Variants in CAST observed in about 807,000 individuals in gnomAD.
The protein encoded by CAST is MIR583 host.
CAST carries 76 observed loss-of-function variants against 119.6 expected under a neutral mutation model. The observed-to-expected ratio is 0.64, with a 90% CI of 0.53 to 0.77. The LOEUF (loss-of-function observed/expected upper bound fraction) is 0.77. CAST is among the 30% of genes least tolerant of loss of function. The probability of loss-of-function intolerance (pLI) is 0.00; values close to 1 mark genes in which losing one functional copy is unlikely to be tolerated. For synonymous variants in CAST, 319 were observed against 331.6 expected (o/e 0.96, Z 0.41); for missense variants, 953 against 946.5 (o/e 1.01, Z -0.09).
At chr5:96,743,572 G>T in intron 16 of CAST, 1 of 1,586,456 alleles carries the variant, frequency 6.3e-7, no homozygotes. Context: ...CAGGGAAGGG[G>T]AGTCTCCCTG....
chr5:96,742,563 A>G, intron 15 of CAST, 92 bp from the exon 16 acceptor site: 2 of 833,614 alleles, frequency 2.4e-6, no homozygotes, highest in Non-Finnish European at 4.0e-6. Flanking sequence ...TATTCAGTTT[A>G]TAATCTAAAA....
the CAST span, among the ~76,000 whole-genome samples, chr5:96,498,116 G>A: frequency 4.6e-5 from 7 of 152,182 alleles, no homozygotes; most frequent in African/African-American, 7.2e-5. Context: ...TATTAAATAG[G>A]GAATCCTTTC....
chr5:96,091,504 C>CTTT, the CAST span, among the ~76,000 whole-genome samples: 22 of 98,540 alleles, frequency 2.2e-4, no homozygotes, highest in African/African-American at 3.3e-4. Context: ...CATGCCTGGC[C>CTTT]TTTTTTTTTT....
At chr5:95,961,880 G>A in the CAST span, 1 of 921,132 alleles carries the variant, frequency 1.1e-6, no homozygotes, top group Non-Finnish European at 1.5e-6. Context: ...GACTGCCACC[G>A]CCGCCACCCG....
At chr5:96,003,395 G>A in the CAST span, among the ~76,000 whole-genome samples, 246 of 151,674 alleles carry the variant, frequency 1.6e-3, 1 homozygote, top group African/African-American at 5.7e-3. Flanking sequence ...AAAATTAGCC[G>A]GGTGTGGTGG....
intron 2 of CAST, among the ~76,000 whole-genome samples, chr5:96,685,784 T>A (rs757726308): frequency 6.6e-6 from 1 of 152,196 alleles, no homozygotes; most frequent in Non-Finnish European, 1.5e-5. Flanking sequence ...AGAGACTGAT[T>A]TAGATCTAAG....
chr5:96,326,082 A>G, the CAST span, among the ~76,000 whole-genome samples: 1 of 152,228 alleles, frequency 6.6e-6, no homozygotes, highest in Admixed American at 6.5e-5. Context: ...GATATCATCC[A>G]CATGACTTTT....
the CAST span, among the ~76,000 whole-genome samples, chr5:95,984,230 G>A: frequency 3.3e-4 from 50 of 152,272 alleles, no homozygotes; most frequent in Admixed American, 2.1e-3. Flanking sequence ...GGCTGGAGGT[G>A]TTTTTCTTAG....
chr5:96,001,042 A>G, the CAST span, among the ~76,000 whole-genome samples: 6 of 152,176 alleles, frequency 3.9e-5, no homozygotes, highest in Non-Finnish European at 8.8e-5. Flanking sequence ...GACTACCACT[A>G]ATTAGCTTTG....
At chr5:96,042,517 A>G in the CAST span, among the ~76,000 whole-genome samples, 1 of 152,194 alleles carries the variant, frequency 6.6e-6, no homozygotes, top group African/African-American at 2.4e-5. Context: ...GAGCTCTTAA[A>G]TGGTTACATA....
the CAST span, among the ~76,000 whole-genome samples, chr5:96,107,593 G>A: frequency 5.3e-5 from 8 of 152,110 alleles, no homozygotes; most frequent in Non-Finnish European, 8.8e-5. Flanking sequence ...CGAGAGATCC[G>A]CTGTTAGTCT....
intron 4 of CAST, among the ~76,000 whole-genome samples, chr5:96,723,116 T>TTTCGTTTGTTTG (rs371010985): frequency 1.3e-4 from 19 of 151,892 alleles, no homozygotes; most frequent in African/African-American, 4.4e-4. Flanking sequence ...CTAATTGTTT[T>TTTCGTTTGTTTG]TTTGTTTGTT....
chr5:96,632,635 TA>T (rs1456388706), intron 1 of CAST, among the ~76,000 whole-genome samples: 44 of 126,210 alleles, frequency 3.5e-4, no homozygotes, highest in Admixed American at 1.2e-3. Context: ...AGTGCTAATT[TA>T]TTTTTTTGCA....
intron 16 of CAST, among the ~76,000 whole-genome samples, chr5:96,743,130 C>G (rs938707820): frequency 1.3e-5 from 2 of 152,104 alleles, no homozygotes; most frequent in Non-Finnish European, 2.9e-5. Context: ...TGTCTATACA[C>G]GGAGTGGGAA....
At chr5:96,461,387 C>T in the CAST span, among the ~76,000 whole-genome samples, 4 of 152,112 alleles carry the variant, frequency 2.6e-5, no homozygotes, top group South Asian at 6.2e-4. Context: ...GTAGAATTGT[C>T]GGATCATATA....
chr5:96,305,040 C>G, the CAST span, among the ~76,000 whole-genome samples: 8 of 152,136 alleles, frequency 5.3e-5, no homozygotes, highest in Non-Finnish European at 8.8e-5. Flanking sequence ...TTACTTTGGG[C>G]AGTACGGCCA....
intron 3 of CAST, among the ~76,000 whole-genome samples, chr5:96,717,926 A>G (rs1203204375): frequency 6.6e-6 from 1 of 152,220 alleles, no homozygotes; most frequent in African/African-American, 2.4e-5. Context: ...TGAGAGACAA[A>G]TAAGGGTAAG....
At chr5:96,355,561 G>T in the CAST span, among the ~76,000 whole-genome samples, 1 of 152,044 alleles carries the variant, frequency 6.6e-6, no homozygotes, top group African/African-American at 2.4e-5. Context: ...GGATAGCTGG[G>T]TCAAATGGGA....
the CAST span, among the ~76,000 whole-genome samples, chr5:96,440,959 G>T: frequency 6.6e-6 from 1 of 152,300 alleles, no homozygotes; most frequent in Non-Finnish European, 1.5e-5. Context: ...ACTCAAAACA[G>T]ACCACCTGGA....
Sources: allele counts gnomAD v4.1 joint callset (sites outside exome capture counted in the v4.1 genomes callset), GRCh38; gene constraint gnomAD v4.1.1; transcripts MANE v1.5; gene names NCBI Gene and HGNC (gene_info 2026-07-23, HGNC 2026-07-21).